OR1J2: variants seen among roughly 807,000 people sequenced by gnomAD.
OR1J2 encodes olfactory receptor 1J2.
For synonymous variants in OR1J2, 142 were observed against 99.7 expected (o/e 1.42, Z -2.52); for missense variants, 304 against 246.1 (o/e 1.24, Z -1.57).
In OR1J2 at chr9:122,511,547, C is replaced by G. The variant is rs1828637742; in HGVS notation, c.746C>G (p.Ser249Cys). ...STCGSHLSVV[S>C]LYYGSIFGQY... ...TGTGGCTCCCATCTCTCTGTGGTGT[C>G]TCTCTATTATGGGTCAATATTTGGC... Residue 249 changes from serine (S) to cysteine (C), a missense_variant, in exon 1 of 1, where the codon TCT becomes TGT. Transcript: ENST00000335302. 2 of 780,808 alleles carry G rather than the reference C, an allele frequency of 2.6e-6. No homozygotes were observed. The highest frequency in any genetic ancestry group is 2.4e-5 in the East Asian group (1 of 41,262). 48.4% of individuals were successfully genotyped at this position (780,808 alleles called of 1,614,324 possible). A position where few individuals can be genotyped will look rare whatever the true frequency, so the allele number is the denominator to read the frequency against.
chr9:122,465,907 TA>T, the OR1J2 span, among the ~76,000 whole-genome samples: 1 of 152,218 alleles, frequency 6.6e-6, no homozygotes, highest in Admixed American at 6.5e-5. Flanking sequence ...CCTTGAAAGT[TA>T]AATTCACTGA....
At chr9:122,450,895 A>G in the OR1J2 span, among the ~76,000 whole-genome samples, 2 of 152,136 alleles carry the variant, frequency 1.3e-5, no homozygotes, top group East Asian at 3.8e-4. Context: ...AATGTCTCCT[A>G]GATTCACCCA....
the OR1J2 span, among the ~76,000 whole-genome samples, chr9:122,458,605 G>A: frequency 3.3e-5 from 5 of 152,136 alleles, no homozygotes; most frequent in African/African-American, 4.8e-5. Context: ...TAAAACCATC[G>A]TATCTCGTGA....
chr9:122,551,645 C>T, the OR1J2 span, among the ~76,000 whole-genome samples: 2 of 152,068 alleles, frequency 1.3e-5, no homozygotes, highest in African/African-American at 2.4e-5. Context: ...ATCACATTCC[C>T]GAGACCCACA....
the OR1J2 span, among the ~76,000 whole-genome samples, chr9:122,458,237 T>C: frequency 1.3e-5 from 2 of 152,230 alleles, no homozygotes; most frequent in East Asian, 3.8e-4. Flanking sequence ...GGATTCATGT[T>C]GAAACGTGTC....
the OR1J2 span, among the ~76,000 whole-genome samples, chr9:122,548,158 A>C: frequency 6.6e-5 from 10 of 152,226 alleles, no homozygotes; most frequent in African/African-American, 2.4e-4. Flanking sequence ...GCCTTAAGGA[A>C]ATGAAGATCC....
chr9:122,538,558 A>G, the OR1J2 span, among the ~76,000 whole-genome samples: 1 of 152,150 alleles, frequency 6.6e-6, no homozygotes, highest in African/African-American at 2.4e-5. Flanking sequence ...TCTAGGTGTA[A>G]GATCATGTCA....
At chr9:122,554,102 C>T in the OR1J2 span, 20 of 1,613,648 alleles carry the variant, frequency 1.2e-5, no homozygotes, top group Non-Finnish European at 1.7e-5. Context: ...GCTTGAGGAA[C>T]AGAGACATGA....
At chr9:122,475,343 T>G in the OR1J2 span, among the ~76,000 whole-genome samples, 3 of 152,210 alleles carry the variant, frequency 2.0e-5, no homozygotes, top group Non-Finnish European at 4.4e-5. Flanking sequence ...ATTTCATCAT[T>G]GTCTTTATCT....
the OR1J2 span, among the ~76,000 whole-genome samples, chr9:122,579,403 G>T: frequency 5.5e-4 from 84 of 152,186 alleles, 1 homozygote; most frequent in South Asian, 1.0e-3. Context: ...CTTGTCTGGA[G>T]ATTGCTTTGG....
At chr9:122,503,614 A>G in the OR1J2 span, among the ~76,000 whole-genome samples, 1 of 152,218 alleles carries the variant, frequency 6.6e-6, no homozygotes, top group South Asian at 2.1e-4. Context: ...TCTGGTAGGC[A>G]TTGACATAAG....
the OR1J2 span, among the ~76,000 whole-genome samples, chr9:122,472,081 G>A: frequency 6.6e-6 from 1 of 152,160 alleles, no homozygotes; most frequent in African/African-American, 2.4e-5. Flanking sequence ...GGAACGCAGG[G>A]TGCATAACCC....
chr9:122,484,696 A>G, the OR1J2 span, among the ~76,000 whole-genome samples: 1 of 152,116 alleles, frequency 6.6e-6, no homozygotes, highest in African/African-American at 2.4e-5. Flanking sequence ...CTTAGTCATG[A>G]GCTATCCAAC....
At chr9:122,455,619 A>G in the OR1J2 span, among the ~76,000 whole-genome samples, 17 of 152,180 alleles carry the variant, frequency 1.1e-4, no homozygotes, top group Non-Finnish European at 1.3e-4. Flanking sequence ...CTTATCAGAC[A>G]TATGGTTTAC....
the OR1J2 span, among the ~76,000 whole-genome samples, chr9:122,531,751 T>C: frequency 1.3e-4 from 20 of 152,178 alleles, no homozygotes; most frequent in Admixed American, 6.5e-5. Context: ...GAAAAACTGC[T>C]TGGCTGATTT....
chr9:122,479,444 A>G, the OR1J2 span, among the ~76,000 whole-genome samples: 11 of 152,204 alleles, frequency 7.2e-5, no homozygotes, highest in Admixed American at 1.3e-4. Context: ...CAGATGCTGT[A>G]TTAGAAATTC....
chr9:122,504,310 G>T, the OR1J2 span, among the ~76,000 whole-genome samples: 1 of 152,158 alleles, frequency 6.6e-6, no homozygotes, highest in Admixed American at 6.5e-5. Flanking sequence ...TCCATATAAT[G>T]CCACTATCTA....
chr9:122,552,059 T>TACA, the OR1J2 span, among the ~76,000 whole-genome samples: 38 of 103,348 alleles, frequency 3.7e-4, no homozygotes, highest in African/African-American at 1.5e-3. Context: ...ACACATACAC[T>TACA]CTCTCTCTCT....
the OR1J2 span, among the ~76,000 whole-genome samples, chr9:122,456,364 C>T: frequency 1.3e-5 from 2 of 152,222 alleles, no homozygotes; most frequent in East Asian, 1.9e-4. Context: ...AGGGATAAGG[C>T]AGAGCTGTAA....
Sources: allele counts gnomAD v4.1 joint callset (sites outside exome capture counted in the v4.1 genomes callset), GRCh38; gene constraint gnomAD v4.1.1; transcripts MANE v1.5; gene names NCBI Gene and HGNC (gene_info 2026-07-23, HGNC 2026-07-21).